Variants in CPS1 observed in about 807,000 individuals in gnomAD.
The protein encoded by CPS1 is carbamoyl-phosphate synthase [ammonia], mitochondrial.
CPS1 carries 109 observed loss-of-function variants against 174.6 expected under a neutral mutation model. The ratio of observed to expected loss-of-function variants is 0.62; its 90% CI spans 0.53 to 0.73. The LOEUF (loss-of-function observed/expected upper bound fraction) is 0.73, where lower values mean the gene tolerates loss of function less well. CPS1 is among the 30% of genes least tolerant of loss of function. CPS1 has a pLI of 0.00. For missense variants in CPS1, 1,689 were observed against 1,821.9 expected (o/e 0.93, Z 1.33); for synonymous variants, 637 against 632.0 (o/e 1.01, Z -0.12).
intron 1 of CPS1, among the ~76,000 whole-genome samples, chr2:210,523,023 TAAG>T (rs1054563026): frequency 1.3e-5 from 2 of 152,004 alleles, no homozygotes; most frequent in African/African-American, 4.8e-5. Context: ...TCTGGTGAAA[TAAG>T]AAAAGAACTG....
chr2:210,605,303 C>T, intron 17 of CPS1, 57 bp downstream of exon 17: 2 of 1,583,130 alleles, frequency 1.3e-6, no homozygotes, highest in East Asian at 2.2e-5. Flanking sequence ...TCTTTGATGG[C>T]CAAGGCAGTC....
intron 1 of CPS1, among the ~76,000 whole-genome samples, chr2:210,515,732 T>A (rs777275305): frequency 6.6e-6 from 1 of 151,920 alleles, no homozygotes; most frequent in Non-Finnish European, 1.5e-5. Context: ...TTTCTTTCCT[T>A]TTGCTAGCTG....
chr2:210,579,571 G>T, intron 4 of CPS1, 143 bp from the exon 5 acceptor site: 1 of 706,762 alleles, frequency 1.4e-6, no homozygotes, highest in Non-Finnish European at 2.6e-6. Flanking sequence ...TGACAATACA[G>T]TCACCCTGGG....
chr2:210,580,224 A>C (rs1476659345), intron 5 of CPS1, among the ~76,000 whole-genome samples: 1 of 152,174 alleles, frequency 6.6e-6, no homozygotes, highest in East Asian at 1.9e-4. Flanking sequence ...AGTTATTTGT[A>C]AAATTAATGC....
chr2:210,486,103 TACACACACACATACACACACACAC>T (rs1046799730), intron 1 of CPS1, among the ~76,000 whole-genome samples: 2 of 103,914 alleles, frequency 1.9e-5, no homozygotes, highest in African/African-American at 3.6e-5. Context: ...CATATATATA[TACACACACACATACACACACACAC>T]ACACACACAC....
chr2:210,525,805 T>C (rs1307932016), intron 1 of CPS1, among the ~76,000 whole-genome samples: 2 of 102,504 alleles, frequency 2.0e-5, no homozygotes, highest in Non-Finnish European at 3.9e-5. Flanking sequence ...CAAAGTAAAA[T>C]GGAGAGAGAG....
chr2:210,492,071 C>A (rs187095297), intron 1 of CPS1, among the ~76,000 whole-genome samples: 1 of 152,274 alleles, frequency 6.6e-6, no homozygotes, highest in East Asian at 1.9e-4. Context: ...TAGATTGTGG[C>A]CTACCAATAT....
chr2:210,632,672 G>A (rs1699905321), intron 21 of CPS1, among the ~76,000 whole-genome samples: 1 of 152,130 alleles, frequency 6.6e-6, no homozygotes. Context: ...TAATGGCCCT[G>A]GTGGGTCAGT....
intron 1 of CPS1, among the ~76,000 whole-genome samples, chr2:210,567,614 G>A (rs6755648): frequency 0.49 from 74,741 of 151,842 alleles, 18,617 homozygotes; most frequent in Middle Eastern, 0.6. Context: ...CATAACATAG[G>A]TAATTATTAA....
chr2:210,552,450 G>A (rs572258123), upstream of CPS1, among the ~76,000 whole-genome samples: 2 of 152,064 alleles, frequency 1.3e-5, no homozygotes, highest in South Asian at 4.1e-4. Flanking sequence ...TTGCATGCTT[G>A]CTATGTTAGA....
intron 16 of CPS1, among the ~76,000 whole-genome samples, chr2:210,604,170 C>G (rs1456131359): frequency 6.6e-6 from 1 of 151,800 alleles, no homozygotes; most frequent in South Asian, 2.1e-4. Flanking sequence ...ACAAATGTGT[C>G]ACATTTTCAT....
chr2:210,640,263 A>T (rs936493790), intron 24 of CPS1, among the ~76,000 whole-genome samples: 1 of 152,220 alleles, frequency 6.6e-6, no homozygotes, highest in Non-Finnish European at 1.5e-5. Flanking sequence ...GCAGGTCTCA[A>T]CTACAAATTC....
chr2:210,564,798 G>C (rs1222420312), intron 1 of CPS1, among the ~76,000 whole-genome samples: 3 of 151,968 alleles, frequency 2.0e-5, no homozygotes, highest in Non-Finnish European at 2.9e-5. Flanking sequence ...TTTGAGACCA[G>C]CATGGCCAAC....
intron 13 of CPS1, among the ~76,000 whole-genome samples, chr2:210,596,115 T>G (rs1489707385): frequency 6.6e-6 from 1 of 151,860 alleles, no homozygotes; most frequent in East Asian, 1.9e-4. Flanking sequence ...CGGGATGATA[T>G]GGCAACATTT....
At chr2:210,584,252 T>G (rs1021849503) in intron 6 of CPS1, among the ~76,000 whole-genome samples, 4 of 152,150 alleles carry the variant, frequency 2.6e-5, no homozygotes, top group African/African-American at 9.7e-5. Flanking sequence ...TGGAAGCCTA[T>G]GTGGCATCAC....
At chr2:210,514,900 A>G (rs944112130) in intron 1 of CPS1, among the ~76,000 whole-genome samples, 5 of 149,228 alleles carry the variant, frequency 3.4e-5, no homozygotes, top group Non-Finnish European at 5.9e-5. Context: ...TTTTTTTTTA[A>G]TCATTAAGCG....
chr2:210,482,526 T>TGGCCAAGTGATCCGCCC (rs1331675744), intron 1 of CPS1, among the ~76,000 whole-genome samples: 2 of 151,978 alleles, frequency 1.3e-5, no homozygotes, highest in South Asian at 2.1e-4. Flanking sequence ...CTGATCCGCC[T>TGGCCAAGTGATCCGCCC]GGCCAAGTGA....
chr2:210,551,571 CT>C (rs370181528), intron 1 of CPS1, among the ~76,000 whole-genome samples: 1,852 of 151,148 alleles, frequency 0.012, 33 homozygotes, highest in African/African-American at 0.042. Context: ...TGAATGATAG[CT>C]TTTTTTTTGT....
At position 210,576,407 on chromosome 2, in the gene CPS1, A is replaced by G; in HGVS notation, c.298A>G (p.Ile100Val). 2.5e-6 allele frequency: 4 copies of G among 1,613,738 alleles called. No individual in the cohort carries two copies. Among genetic ancestry groups the G allele is most frequent in the Non-Finnish European group, 3.4e-6 (4 of 1,179,730 alleles). The part of the protein sequence containing the change: ...KGQILTMANP[I>V]IGNGGAPDTT... ...ACAGATTCTCACAATGGCCAACCCT[A>G]TTATTGGGAATGGTGGAGCTCCTGA... Residue 100 changes from isoleucine to valine, a missense_variant, in exon 3 of 38, where the codon ATT becomes GTT. Physicochemically the swap from Ile to Val is conservative, Grantham distance 29. Transcript: ENST00000233072.
Sources: gnomAD v4.1 joint callset for allele counts (sites outside exome capture counted in the v4.1 genomes callset) on GRCh38, gnomAD v4.1.1 for gene constraint, MANE v1.5 for transcripts, NCBI Gene and HGNC (gene_info 2026-07-23, HGNC 2026-07-21) for gene names.